NYNRIN: variants seen among roughly 807,000 people sequenced by gnomAD.
NYNRIN encodes NYN domain and retroviral integrase containing.
In NYNRIN, 86 loss-of-function variants were observed where a neutral mutation model predicts 146.6. The ratio of observed to expected loss-of-function variants is 0.59; its 90% CI spans 0.49 to 0.70. The LOEUF (loss-of-function observed/expected upper bound fraction) is 0.70, where lower values mean the gene tolerates loss of function less well. Ranked by LOEUF, NYNRIN falls within the 30% of genes least tolerant of loss-of-function variation. NYNRIN has a pLI of 0.00. For synonymous variants in NYNRIN, 1,027 were observed against 1,001.3 expected (o/e 1.03, Z -0.48); for missense variants, 2,191 against 2,377.7 (o/e 0.92, Z 1.63).
Position 24,415,826 on chromosome 14 carries a change from C to A in NYNRIN, c.4077C>A (p.Ala1359=), listed in dbSNP as rs939969864. 2 of 1,613,884 alleles carry A rather than the reference C, an allele frequency of 1.2e-6. No individual in the cohort carries two copies. Among genetic ancestry groups the A allele is most frequent in the African/African-American group, 2.7e-5 (2 of 74,940 alleles). Residue 1359 remains alanine, a synonymous_variant, in exon 9 of 9, where the codon GCC becomes GCA. Transcript: ENST00000382554. ...CCTATGCCCACCTGGCAGCCGTGGC[C>A]TGCGGCCTGGAGCGCTTTGGCCAGT... ...TPTYAHLAAV[A]CGLERFGQSP... is the part of the protein sequence containing the mutation.
In NYNRIN at chr14:24,416,220, A is replaced by C. The variant is rs773713380; in HGVS notation, c.4471A>C (p.Ile1491Leu). ...GCTGAGTGACAGCACCCTGGCCGAC[A>C]TCATTGCCAGGCTGCAGGCTGGGCA... ...LQLSDSTLAD[I>L]IARLQAGQKL... The change falls in exon 9 of 9, where the codon ATC (isoleucine) becomes CTC (leucine). Residue 1491 changes from isoleucine to leucine, a missense_variant. Around this residue, in one of 3 missense-constraint regions of NYNRIN, gnomAD observed 1,291 missense variants for 1,417.0 expected, o/e 0.91. Coordinates refer to ENST00000382554, the MANE Select transcript of NYNRIN (RefSeq NM_025081.3). 4.0e-5 allele frequency: 65 copies of C among 1,613,806 alleles called. No homozygotes were observed. Among genetic ancestry groups the C allele is most frequent in the East Asian group, 2.0e-4 (9 of 44,878 alleles).
rs367917534 is a variant in NYNRIN at position 24,416,266 on chromosome 14, C to G, written c.4517C>G (p.Pro1506Arg). ...QAGQKLSGSS[P>R]FSSAFNSLSL... ...GGGCAGAAACTGTCTGGCTCCTCACCGTTTAGTTCTGCCTTTAACTCACTC... is the reference window on the plus strand; with the variant it reads ...GGGCAGAAACTGTCTGGCTCCTCACGGTTTAGTTCTGCCTTTAACTCACTC... The change falls in exon 9 of 9, where the codon CCG (proline) becomes CGG (arginine). Residue 1506 changes from proline to arginine, a missense_variant. Physicochemically the swap from Pro to Arg is moderately radical, Grantham distance 103. This residue lies in a region of NYNRIN where 1,291 missense variants were observed against 1,417.0 expected (regional missense o/e 0.91). Coordinates refer to ENST00000382554, the MANE Select transcript of NYNRIN (RefSeq NM_025081.3). 2 of 1,613,856 alleles carry G rather than the reference C, an allele frequency of 1.2e-6. No homozygotes were observed. Among genetic ancestry groups the G allele is most frequent in the Admixed American group, 3.3e-5 (2 of 60,020 alleles).
At position 24,417,224 on chromosome 14, in the gene NYNRIN, G is replaced by A. The variant is rs765308161; in HGVS notation, c.5475G>A (p.Glu1825=). Residue 1825 remains glutamate (E), a synonymous_variant, in exon 9 of 9, where the codon GAG becomes GAA. Transcript: ENST00000382554. The part of the protein sequence containing the change: ...RRFKRESQEK[E]WNVGDQVLLL... ...TCAAGCGGGAGAGCCAGGAGAAGGA[G>A]TGGAATGTGGGTGACCAGGTCCTTT... 7 of 1,613,966 alleles carry A rather than the reference G, an allele frequency of 4.3e-6. No individual in the cohort carries two copies. Among genetic ancestry groups the A allele is most frequent in the Middle Eastern group, 1.6e-4 (1 of 6,084 alleles).
At position 24,408,775 on chromosome 14, in the gene NYNRIN, G is replaced by T. The variant is rs1170612364; in HGVS notation, c.981G>T (p.Lys327Asn). 6.2e-7 allele frequency: 1 copy of T among 1,613,904 alleles called. No homozygotes were observed. The highest frequency in any genetic ancestry group is 2.2e-5 in the East Asian group (1 of 44,898). ...QALLKQRQVQ[K>N]IEDKLLFQPP... is the part of the protein sequence containing the mutation. Reference sequence around the variant, plus strand: ...TGTTGAAGCAAAGGCAGGTCCAGAAGATAGAAGATAAACTCCTCTTCCAAC... The same window carrying T: ...TGTTGAAGCAAAGGCAGGTCCAGAATATAGAAGATAAACTCCTCTTCCAAC... Residue 327 changes from lysine to asparagine, a missense_variant, in exon 4 of 9, where the codon AAG (lysine) becomes AAT (asparagine). Coordinates refer to ENST00000382554, the MANE Select transcript of NYNRIN (RefSeq NM_025081.3).
intron 2 of NYNRIN, among the ~76,000 whole-genome samples, chr14:24,400,767 G>T (rs1281511725): frequency 6.6e-6 from 1 of 151,760 alleles, no homozygotes; most frequent in Non-Finnish European, 1.5e-5. Context: ...CCTCTTAGGG[G>T]ACTCACACTT....
chr14:24,417,314 G>C lies in NYNRIN; in HGVS notation c.5565G>C (p.Arg1855=), dbSNP rs2042954925. 2 of 1,612,322 alleles carry C rather than the reference G, an allele frequency of 1.2e-6. No homozygotes were observed. Among genetic ancestry groups the C allele is most frequent in the Admixed American group, 1.7e-5 (1 of 59,702 alleles). ...TGGGTCCCTTCTATATCGGGGACCG[G>C]CTGAGCCTGTCACTCTATAGGATAT... ...KWVGPFYIGD[R]LSLSLYRIWG... The change falls in exon 9 of 9, where the codon CGG becomes CGC. Residue 1855 remains arginine (R), a synonymous_variant. Coordinates refer to ENST00000382554, the MANE Select transcript of NYNRIN (RefSeq NM_025081.3).
intron 2 of NYNRIN, among the ~76,000 whole-genome samples, chr14:24,407,269 G>A (rs979570628): frequency 6.6e-6 from 1 of 152,220 alleles, no homozygotes; most frequent in Non-Finnish European, 1.5e-5. Flanking sequence ...GTCATCCTCA[G>A]TACTTTCTGC....
At chr14:24,407,387 T>C (rs1419056652) in intron 2 of NYNRIN, among the ~76,000 whole-genome samples, 1 of 152,122 alleles carries the variant, frequency 6.6e-6, no homozygotes, top group Non-Finnish European at 1.5e-5. Context: ...GTTGTGTGAT[T>C]AATAACTTGC....
At chr14:24,412,853 C>T (rs188053094) in intron 6 of NYNRIN, 144 bp from the exon 7 acceptor site, 200 of 582,696 alleles carry the variant, frequency 3.4e-4, no homozygotes, top group Non-Finnish European at 5.0e-4. Flanking sequence ...GGGATGGGCT[C>T]GGGGGTCCTG....
At position 24,411,209 on chromosome 14, in the gene NYNRIN, G is replaced by A; in HGVS notation, c.2545+3G>A. The A allele has an allele frequency of 1.2e-6, 2 of 1,606,656 alleles. No homozygotes were observed. Among genetic ancestry groups the A allele is most frequent in the Non-Finnish European group, 1.7e-6 (2 of 1,176,160 alleles). ...GAAGAAGAACCGGAGGGTGAGAGGT[G>A]AGGTGTCCCCTGCCTGCCCAGCCTC... On this transcript the variant is annotated splice_donor_region_variant and intron_variant, in intron 5 of 8. Transcript: ENST00000382554. The surrounding 1 kb of genome is among the most constrained non-coding windows in gnomAD (Gnocchi z 4.3).
chr14:24,414,523 A>T, intron 8 of NYNRIN, 73 bp from the exon 9 acceptor site: 1 of 1,149,228 alleles, frequency 8.7e-7, no homozygotes, highest in Non-Finnish European at 1.2e-6. Context: ...TGGGGTTTCC[A>T]CAGAGGTGCT....
Position 24,409,965 on chromosome 14 carries a change from G to T in NYNRIN, c.2171G>T (p.Gly724Val). The change falls in exon 4 of 9, where the codon GGT becomes GTT. Residue 724 changes from glycine (G) to valine (V), a missense_variant. Physicochemically the swap from Gly to Val is moderately radical, Grantham distance 109. This residue lies in a region of NYNRIN where 895 missense variants were observed against 941.2 expected (regional missense o/e 0.95). Coordinates refer to ENST00000382554, the MANE Select transcript of NYNRIN (RefSeq NM_025081.3). ...LKGQGQAGRQ[G>V]PQSSGTLALS... ...GGCCAGGGGCAGGCTGGAAGGCAGG[G>T]TCCCCAGTCCAGTGGCACCTTGGCC... 6.2e-7 allele frequency: 1 copy of T among 1,613,780 alleles called. No individual in the cohort carries two copies. Among genetic ancestry groups the T allele is most frequent in the Non-Finnish European group, 8.5e-7 (1 of 1,179,788 alleles).
rs750461863 is a variant in NYNRIN, at chr14:24,416,257, G to T, written c.4508G>T (p.Gly1503Val). The T allele has an allele frequency of 6.2e-7, 1 of 1,613,928 alleles. No homozygotes were observed. Among genetic ancestry groups the T allele is most frequent in the Admixed American group, 1.7e-5 (1 of 60,020 alleles). ...CTGCAGGCTGGGCAGAAACTGTCTGGCTCCTCACCGTTTAGTTCTGCCTTT... is the reference window on the plus strand; with the variant it reads ...CTGCAGGCTGGGCAGAAACTGTCTGTCTCCTCACCGTTTAGTTCTGCCTTT... ...ARLQAGQKLS[G>V]SSPFSSAFNS... Residue 1503 changes from glycine to valine, a missense_variant, in exon 9 of 9, where the codon GGC (glycine) becomes GTC (valine). By Grantham distance (109) the Gly-to-Val change is moderately radical. Around this residue, in one of 3 missense-constraint regions of NYNRIN, gnomAD observed 1,291 missense variants for 1,417.0 expected, o/e 0.91. Transcript: ENST00000382554.
In NYNRIN at chr14:24,410,145, CAG is replaced by C; in HGVS notation, c.2352_2353del (p.Glu786ThrfsTer84). 1.2e-6 allele frequency: 2 copies of C among 1,613,070 alleles called. No homozygotes were observed. Among genetic ancestry groups the C allele is most frequent in the Non-Finnish European group, 1.7e-6 (2 of 1,179,304 alleles). ...AATACACCCTTCGAGCTGAACCTGT[CAG>C]GGGAACCTGGAAACCAGGGGTTGCG... On this transcript the variant is annotated frameshift_variant, in exon 4 of 9. Coordinates refer to ENST00000382554, the MANE Select transcript of NYNRIN (RefSeq NM_025081.3). LOFTEE classifies it high-confidence loss of function.
In NYNRIN at chr14:24,417,482, G is replaced by A. The variant is rs559260676; in HGVS notation, c.*36G>A. Reference sequence around the variant, plus strand: ...CGGGGGTGCCCCCTGCCCCAGGGCCGTGGGTTTCTGCTGCTAGGCCTCCCC... The same window carrying A: ...CGGGGGTGCCCCCTGCCCCAGGGCCATGGGTTTCTGCTGCTAGGCCTCCCC... On this transcript the variant is annotated 3_prime_UTR_variant, in exon 9 of 9. Coordinates refer to ENST00000382554, the MANE Select transcript of NYNRIN (RefSeq NM_025081.3). 4.4e-5 allele frequency: 64 copies of A among 1,438,944 alleles called. No individual in the cohort carries two copies. The South Asian group carries it at 5.1e-4, about 12-fold the overall frequency. 89.1% of individuals were successfully genotyped at this position (1,438,944 alleles called of 1,614,324 possible).
intron 4 of NYNRIN, 86 bp from the exon 5 acceptor site, chr14:24,410,990 G>T: frequency 1.3e-6 from 2 of 1,528,630 alleles, no homozygotes; most frequent in South Asian, 2.3e-5. Flanking sequence ...TGTCCTTGGT[G>T]CTGGCATTGC....
rs1415878251 is a variant in NYNRIN, at chr14:24,399,442, A to G, written c.196A>G (p.Lys66Glu). 6.2e-7 allele frequency: 1 copy of G among 1,609,288 alleles called. No homozygotes were observed. The highest frequency in any genetic ancestry group is 8.5e-7 in the Non-Finnish European group (1 of 1,177,692). The change falls in exon 2 of 9, where the codon AAG becomes GAG. Residue 66 changes from lysine to glutamate, a missense_variant and splice_region_variant. This residue lies in a region of NYNRIN where 895 missense variants were observed against 941.2 expected (regional missense o/e 0.95). Coordinates refer to ENST00000382554, the MANE Select transcript of NYNRIN (RefSeq NM_025081.3). ...EGPRENMGKA[K>E]EYLKGLCSPE... ...GCCCCGAGAGAACATGGGCAAAGCC[A>G]AGGTAAACAGCTTCTCCCCACCCCC...
chr14:24,415,522 G>A lies in NYNRIN; in HGVS notation c.3773G>A (p.Trp1258Ter), dbSNP rs1396822878. 1.2e-6 allele frequency: 2 copies of A among 1,613,770 alleles called. No individual in the cohort carries two copies. The highest frequency in any genetic ancestry group is 1.7e-6 in the Non-Finnish European group (2 of 1,179,842). The change falls in exon 9 of 9, where the codon TGG becomes TAG. Residue 1258 changes from tryptophan (W) to a stop codon, truncating the protein, a stop_gained. Transcript: ENST00000382554. LOFTEE classifies it high-confidence loss of function. ...RRVSKAWLIR[W>*]SLLVQDKGKR... The stretch of plus-strand genomic sequence containing the variant: ...GTTTCCAAAGCTTGGTTGATCCGAT[G>A]GTCCCTCTTGGTTCAGGACAAAGGC...
rs754738912 is a variant in NYNRIN, at chr14:24,414,601, A to G, written c.2852A>G (p.Asp951Gly). ...DEFLKKPNRL[D>G]TDIGNFLKVW... is the part of the protein sequence containing the mutation. The stretch of plus-strand genomic sequence containing the variant: ...TTCCATCTGTTTTGGTGTAGGTTGG[A>G]CACTGACATTGGCAACTTCCTGAAG... Residue 951 changes from aspartate (D) to glycine (G), a missense_variant, in exon 9 of 9, where the codon GAC (aspartate) becomes GGC (glycine). Transcript: ENST00000382554. 2.5e-6 allele frequency: 4 copies of G among 1,609,568 alleles called. No homozygotes were observed. The highest frequency in any genetic ancestry group is 2.7e-5 in the African/African-American group (2 of 74,860).
Sources: allele counts gnomAD v4.1 joint callset (sites outside exome capture counted in the v4.1 genomes callset), GRCh38; gene constraint gnomAD v4.1.1; regional missense constraint gnomAD v4.1.1; non-coding constraint Gnocchi (gnomAD v3.1); transcripts MANE v1.5; gene names NCBI Gene and HGNC (gene_info 2026-07-23, HGNC 2026-07-21).